COL23A1: variants seen among roughly 807,000 people sequenced by gnomAD.
COL23A1 encodes collagen alpha-1(XXIII) chain.
Under a neutral mutation model 99.3 loss-of-function variants are expected in COL23A1, and 97 were observed. The observed-to-expected ratio is 0.98, with a 90% CI of 0.83 to 1.16. The LOEUF (loss-of-function observed/expected upper bound fraction) is 1.16, where lower values mean the gene tolerates loss of function less well. COL23A1 is among the 50% of genes most tolerant of loss of function. The pLI is 0.00. For missense variants in COL23A1, 762 were observed against 757.4 expected (o/e 1.01, Z -0.07); for synonymous variants, 320 against 308.2 (o/e 1.04, Z -0.40).
chr5:178,257,218 G>A (rs1765354080), intron 13 of COL23A1, among the ~76,000 whole-genome samples: 1 of 152,124 alleles, frequency 6.6e-6, no homozygotes, highest in African/African-American at 2.4e-5. Flanking sequence ...TGGCTGTTGC[G>A]AGGGGTTGGG....
chr5:178,414,860 C>G (rs1278890315), intron 2 of COL23A1, among the ~76,000 whole-genome samples: 1 of 152,150 alleles, frequency 6.6e-6, no homozygotes, highest in Non-Finnish European at 1.5e-5. Context: ...TCCCACAGCC[C>G]TGCTTGAAGG....
intron 9 of COL23A1, 137 bp downstream of exon 9, chr5:178,263,071 G>T: frequency 1.3e-6 from 1 of 765,708 alleles, no homozygotes; most frequent in Non-Finnish European, 2.4e-6. Flanking sequence ...TTTGGGCCCA[G>T]GTTCAGTGTC....
chr5:178,473,442 G>A (rs1246678632), intron 2 of COL23A1, among the ~76,000 whole-genome samples: 2 of 148,790 alleles, frequency 1.3e-5, no homozygotes, highest in Non-Finnish European at 3.0e-5. Flanking sequence ...CTACAGGCAT[G>A]AGCCACTACA....
Position 178,238,626 on chromosome 5 carries a change from A to G in COL23A1, c.*72T>C. The G allele has an allele frequency of 6.3e-7, 1 of 1,581,756 alleles. No individual in the cohort carries two copies. Among genetic ancestry groups the G allele is most frequent in the Non-Finnish European group, 8.7e-7 (1 of 1,152,686 alleles). On this transcript the variant is annotated 3_prime_UTR_variant, in exon 29 of 29. Coordinates refer to ENST00000390654, the MANE Select transcript of COL23A1 (RefSeq NM_173465.4). ...GCATTCCATGAAAAAAGATCAATATATTACTGTTTTGTTTTTACAAAAATT... is the reference window on the plus strand; with the variant it reads ...GCATTCCATGAAAAAAGATCAATATGTTACTGTTTTGTTTTTACAAAAATT...
At chr5:178,379,664 C>T (rs562685038) in intron 2 of COL23A1, among the ~76,000 whole-genome samples, 31 of 152,148 alleles carry the variant, frequency 2.0e-4, no homozygotes, top group South Asian at 2.1e-4. Context: ...GGCGGATCAC[C>T]GGAGGTCGGG....
At chr5:178,424,746 A>G (rs1235551312) in intron 2 of COL23A1, among the ~76,000 whole-genome samples, 1 of 152,208 alleles carries the variant, frequency 6.6e-6, no homozygotes, top group Non-Finnish European at 1.5e-5. Context: ...CGCCCTGGCA[A>G]GTTATTTATC....
intron 2 of COL23A1, among the ~76,000 whole-genome samples, chr5:178,513,803 GGTGGAGTCCTT>G (rs1562041283): frequency 6.6e-6 from 1 of 152,162 alleles, no homozygotes; most frequent in Non-Finnish European, 1.5e-5. Flanking sequence ...AGCACAGGCA[GGTGGAGTCCTT>G]CTCAGGGTGT....
chr5:178,350,112 C>G (rs6862908), intron 2 of COL23A1, among the ~76,000 whole-genome samples: 63,821 of 152,054 alleles, frequency 0.42, 13,831 homozygotes, highest in Middle Eastern at 0.59. Context: ...GTGCCATGCT[C>G]TTCCCCTGCC....
At chr5:178,543,074 TG>T (rs1328657918) in intron 2 of COL23A1, among the ~76,000 whole-genome samples, 3 of 151,302 alleles carry the variant, frequency 2.0e-5, no homozygotes, top group Admixed American at 1.3e-4. Flanking sequence ...GTTCGAGGGT[TG>T]GAGAGTGAGA....
chr5:178,575,504 G>A (rs902052238), intron 1 of COL23A1, among the ~76,000 whole-genome samples: 1 of 152,124 alleles, frequency 6.6e-6, no homozygotes, highest in African/African-American at 2.4e-5. Context: ...CCCTCACTAG[G>A]AGCTCCTGCA....
intron 2 of COL23A1, among the ~76,000 whole-genome samples, chr5:178,503,036 C>T (rs2127987622): frequency 6.6e-6 from 1 of 152,288 alleles, no homozygotes; most frequent in East Asian, 1.9e-4. Flanking sequence ...GAACAATGAG[C>T]TTTCTATTTT....
chr5:178,315,244 C>T (rs1341999764), intron 2 of COL23A1, among the ~76,000 whole-genome samples: 1 of 152,256 alleles, frequency 6.6e-6, no homozygotes, highest in East Asian at 1.9e-4. Flanking sequence ...CCCAACACAC[C>T]GTGTTCTCTG....
In COL23A1 at chr5:178,308,307, T is replaced by C. The variant is rs569227590; in HGVS notation, c.362-1388A>G. ...AGGGGTGAGGCGAGAATGAATTTCT[T>C]GCCAGCCTCAGGGACAGGGGACTTG... On this transcript the variant is annotated intron_variant, in intron 2 of 28. Transcript: ENST00000390654. The surrounding 1 kb of genome is among the most constrained non-coding windows in gnomAD (Gnocchi z 5.1). Among the ~76,000 whole-genome samples the C allele has an allele frequency of 7.9e-5, 12 of 152,270 alleles. No individual in the cohort carries two copies. In the East Asian group the frequency reaches 2.3e-3, roughly 29 times the overall value.
At chr5:178,511,888 C>CA (rs796178490) in intron 2 of COL23A1, among the ~76,000 whole-genome samples, 18 of 150,324 alleles carry the variant, frequency 1.2e-4, no homozygotes, top group South Asian at 8.4e-4. Flanking sequence ...ACCAATTTGG[C>CA]AAAAAAAAAA....
chr5:178,376,308 G>A (rs909717011), intron 2 of COL23A1, among the ~76,000 whole-genome samples: 1 of 152,208 alleles, frequency 6.6e-6, no homozygotes, highest in South Asian at 2.1e-4. Context: ...GTTGGTGCTC[G>A]GTGAACATGT....
At chr5:178,430,095 C>CCT (rs1029546850) in intron 2 of COL23A1, among the ~76,000 whole-genome samples, 28 of 152,212 alleles carry the variant, frequency 1.8e-4, no homozygotes, top group African/African-American at 6.8e-4. Flanking sequence ...GACCCACGTG[C>CCT]CTCAGCCTGT....
intron 5 of COL23A1, among the ~76,000 whole-genome samples, chr5:178,288,093 G>A (rs980745885): frequency 6.6e-6 from 1 of 152,186 alleles, no homozygotes; most frequent in Non-Finnish European, 1.5e-5. Context: ...GGTGGATTCA[G>A]TGCCACCCAG....
rs370723786 is a variant in COL23A1 at position 178,344,595 on chromosome 5, A to G, written c.362-37676T>C. Among the ~76,000 whole-genome samples, 5 of 152,244 alleles carry G rather than the reference A, an allele frequency of 3.3e-5. No individual in the cohort carries two copies. The East Asian group carries it at 7.7e-4, about 24-fold the overall frequency. ...GAGGCGGAGGTTGCAGTGAGCCGAC[A>G]TCATGTCACTGCACTCCAGCCTGGG... On this transcript the variant is annotated intron_variant, in intron 2 of 28. Coordinates refer to ENST00000390654, the MANE Select transcript of COL23A1 (RefSeq NM_173465.4).
chr5:178,436,829 AC>A (rs146167096), intron 2 of COL23A1, among the ~76,000 whole-genome samples: 4,371 of 152,250 alleles, frequency 0.029, 209 homozygotes, highest in African/African-American at 0.099. Flanking sequence ...GAGAAGTGTT[AC>A]CCCCATTTTG....
Sources: allele counts gnomAD v4.1 joint callset (sites outside exome capture counted in the v4.1 genomes callset), GRCh38; gene constraint gnomAD v4.1.1; non-coding constraint Gnocchi (gnomAD v3.1); transcripts MANE v1.5; gene names NCBI Gene and HGNC (gene_info 2026-07-23, HGNC 2026-07-21).